EHD2: variants seen among roughly 807,000 people sequenced by gnomAD.
The protein encoded by EHD2 is EH domain containing 2.
EHD2 carries 27 observed loss-of-function variants against 41.0 expected under a neutral mutation model. The observed-to-expected ratio is 0.66, with a 90% CI of 0.49 to 0.91. The LOEUF is 0.91. Ranked by LOEUF, EHD2 falls within the 40% of genes least tolerant of loss-of-function variation. The probability of loss-of-function intolerance (pLI) is 0.00; values close to 1 mark genes in which losing one functional copy is unlikely to be tolerated. For synonymous variants in EHD2, 342 were observed against 341.0 expected (o/e 1.00, Z -0.03); for missense variants, 673 against 773.9 (o/e 0.87, Z 1.55).
chr19:47,716,513 C>G (rs1038889412), intron 1 of EHD2, 45 bp from the exon 2 acceptor site: 38 of 1,368,566 alleles, frequency 2.8e-5, no homozygotes, highest in Non-Finnish European at 3.6e-5. Context: ...CTTTCTTCCT[C>G]CTTGGCTGGG....
At chr19:47,717,551 G>A (rs1306705179) in intron 2 of EHD2, among the ~76,000 whole-genome samples, 4 of 152,144 alleles carry the variant, frequency 2.6e-5, no homozygotes, top group Admixed American at 2.6e-4. Context: ...CCAGCTGGGT[G>A]GCCTCAGGCA....
intron 2 of EHD2, among the ~76,000 whole-genome samples, chr19:47,717,736 G>C (rs12972681): frequency 6.6e-6 from 1 of 150,822 alleles, no homozygotes; most frequent in Non-Finnish European, 1.5e-5. Flanking sequence ...GTGAAACCCC[G>C]TCTCTACCAA....
intron 4 of EHD2, chr19:47,732,904 AG>A (rs1180185335): frequency 6.6e-6 from 1 of 151,966 alleles, no homozygotes; most frequent in African/African-American, 2.4e-5. Context: ...ACCAACATGG[AG>A]AAATCCCATC....
intron 3 of EHD2, among the ~76,000 whole-genome samples, chr19:47,723,685 T>G (rs35480434): frequency 0.018 from 2,648 of 150,542 alleles, 114 homozygotes; most frequent in African/African-American, 0.062. Flanking sequence ...CTCAACCATT[T>G]TTTTTTTTAA....
intron 5 of EHD2, among the ~76,000 whole-genome samples, chr19:47,740,534 T>G (rs1025716205): frequency 6.6e-6 from 1 of 151,212 alleles, no homozygotes; most frequent in Non-Finnish European, 1.5e-5. Context: ...AATCATGAGG[T>G]CAGGAGTTCG....
rs1472854779 is a variant in EHD2, at chr19:47,728,082, C to T, written c.915+1858C>T. On this transcript the variant is annotated intron_variant, in intron 4 of 5. Coordinates refer to ENST00000263277, the MANE Select transcript of EHD2 (RefSeq NM_014601.4). ...CTGCACTCCAGCCTAGGCGACAGAA[C>T]GAGACTCTGTCTCAAAATAAAAAAA... Among the ~76,000 whole-genome samples the T allele has an allele frequency of 7.7e-5, 10 of 129,814 alleles. No homozygotes were observed. In the East Asian group the frequency reaches 2.0e-3, roughly 26 times the overall value. The allele number at this position is 129,814 out of a possible 152,430, so 85.2% of individuals were successfully genotyped here. A position where few individuals can be genotyped will look rare whatever the true frequency, so the allele number is the denominator to read the frequency against.
intron 4 of EHD2, among the ~76,000 whole-genome samples, chr19:47,734,316 C>T (rs1966899812): frequency 6.6e-6 from 1 of 151,730 alleles, no homozygotes; most frequent in African/African-American, 2.4e-5. Flanking sequence ...GCCTGGGGGA[C>T]AGAGCCAGAC....
Position 47,725,996 on chromosome 19 carries a change from G to T in EHD2, c.687G>T (p.Leu229=), listed in dbSNP as rs747150177. 6 of 1,610,408 alleles carry T rather than the reference G, an allele frequency of 3.7e-6. No individual in the cohort carries two copies. Among genetic ancestry groups the T allele is most frequent in the Non-Finnish European group, 5.1e-6 (6 of 1,177,618 alleles). Residue 229 remains leucine, a synonymous_variant, in exon 4 of 6, where the codon CTG becomes CTT. Coordinates refer to ENST00000263277, the MANE Select transcript of EHD2 (RefSeq NM_014601.4). ...CCGACATGGTGGAGACGCAGCAGCTGATGCGCGTCTACGGCGCGCTCATGT... is the reference window on the plus strand; with the variant it reads ...CCGACATGGTGGAGACGCAGCAGCTTATGCGCGTCTACGGCGCGCTCATGT... ...NKADMVETQQ[L]MRVYGALMWA...
chr19:47,716,149 G>T (rs545667036), intron 1 of EHD2, among the ~76,000 whole-genome samples: 9 of 140,802 alleles, frequency 6.4e-5, no homozygotes, highest in African/African-American at 2.4e-4. Context: ...ATAGCTCACT[G>T]CAGCCTGCAG....
At chr19:47,735,835 G>A (rs1182728254) in intron 4 of EHD2, among the ~76,000 whole-genome samples, 4 of 150,616 alleles carry the variant, frequency 2.7e-5, no homozygotes, top group Admixed American at 6.7e-5. Flanking sequence ...GAACCCAGGA[G>A]TTGGAGGTTG....
Position 47,725,799 on chromosome 19 carries a change from A to G in EHD2, c.503-13A>G. The stretch of plus-strand genomic sequence containing the variant: ...CTGCCCCTTGCGCCCCTGTCTCTCC[A>G]CTCCCACTCCAGGCTACGACTTCCC... On this transcript the variant is annotated splice_polypyrimidine_tract_variant and intron_variant, in intron 3 of 5. Coordinates refer to ENST00000263277, the MANE Select transcript of EHD2 (RefSeq NM_014601.4). The G allele has an allele frequency of 6.4e-7, 1 of 1,565,022 alleles. No homozygotes were observed. The highest frequency in any genetic ancestry group is 8.7e-7 in the Non-Finnish European group (1 of 1,149,952).
intron 3 of EHD2, among the ~76,000 whole-genome samples, chr19:47,725,486 C>T (rs976681873): frequency 4.6e-5 from 7 of 151,810 alleles, no homozygotes; most frequent in African/African-American, 1.5e-4. Flanking sequence ...GGAGGATCAC[C>T]TGAGCTCCGG....
chr19:47,728,523 GTTTCTCTTTCTCTCTTTC>G (rs1193001195), intron 4 of EHD2, among the ~76,000 whole-genome samples: 3 of 146,074 alleles, frequency 2.1e-5, no homozygotes, highest in African/African-American at 7.6e-5. Flanking sequence ...CTCTTTCTCT[GTTTCTCTTTCTCTCTTTC>G]TTTCTCTTTC....
intron 3 of EHD2, among the ~76,000 whole-genome samples, chr19:47,720,624 CTA>C (rs143648882): frequency 0.011 from 1,720 of 152,098 alleles, 35 homozygotes; most frequent in African/African-American, 0.039. Context: ...GTCTATGTGT[CTA>C]TGTGGATTTA....
At position 47,740,960 on chromosome 19, in the gene EHD2, C is replaced by T. The variant is rs975000304; in HGVS notation, c.1160C>T (p.Thr387Met). The stretch of plus-strand genomic sequence containing the variant: ...CTAGAGGCACTGGACGAGATGCTGA[C>T]GCACGACATCGCCAAGCTCATGCCC... The part of the protein sequence containing the change: ...KLLEALDEML[T>M]HDIAKLMPLL... Residue 387 changes from threonine (T) to methionine (M), a missense_variant, in exon 6 of 6, where the codon ACG (threonine) becomes ATG (methionine). By Grantham distance (81) the Thr-to-Met change is moderately conservative (BLOSUM62 -1). Coordinates refer to ENST00000263277, the MANE Select transcript of EHD2 (RefSeq NM_014601.4). 10 of 1,612,488 alleles carry T rather than the reference C, an allele frequency of 6.2e-6. No individual in the cohort carries two copies. Among genetic ancestry groups the T allele is most frequent in the Admixed American group, 3.3e-5 (2 of 59,904 alleles).
chr19:47,737,244 AAAAAGAAAAG>A (rs1966934411), intron 5 of EHD2, among the ~76,000 whole-genome samples: 1 of 151,772 alleles, frequency 6.6e-6, no homozygotes, highest in Non-Finnish European at 1.5e-5. Context: ...AAAAAAAAAA[AAAAAGAAAAG>A]GAAGTTGGGA....
intron 4 of EHD2, 117 bp downstream of exon 4, chr19:47,726,341 T>C: frequency 2.4e-6 from 3 of 1,250,184 alleles, no homozygotes; most frequent in Non-Finnish European, 3.2e-6. Flanking sequence ...CTCTTGAAGT[T>C]GGGTCATTCT....
In EHD2 at chr19:47,741,653, C is replaced by T. The variant is rs1171257927; in HGVS notation, c.*221C>T. 11 of 624,374 alleles carry T rather than the reference C, an allele frequency of 1.8e-5. No homozygotes were observed. Among genetic ancestry groups the T allele is most frequent in the Admixed American group, 8.5e-5 (3 of 35,446 alleles). 38.7% of individuals were successfully genotyped at this position (624,374 alleles called of 1,614,324 possible). The stretch of plus-strand genomic sequence containing the variant: ...TCCGCCCTTCACACCTCCAGCCTCA[C>T]GTTCACTTAGGCACATCACACACAC... On this transcript the variant is annotated 3_prime_UTR_variant, in exon 6 of 6. Transcript: ENST00000263277. The surrounding 1 kb of genome is among the most constrained non-coding windows in gnomAD (Gnocchi z 4.5).
At chr19:47,731,314 A>ATATACATATATATATATAT (rs1160770476) in intron 4 of EHD2, 1 of 113,994 alleles carries the variant, frequency 8.8e-6, no homozygotes, top group Non-Finnish European at 1.9e-5. Context: ...ATATATATAT[A>ATATACATATATATATATAT]ATTTTTTTTT....
Sources: allele counts gnomAD v4.1 joint callset (sites outside exome capture counted in the v4.1 genomes callset), GRCh38; gene constraint gnomAD v4.1.1; non-coding constraint Gnocchi (gnomAD v3.1); transcripts MANE v1.5; gene names NCBI Gene and HGNC (gene_info 2026-07-23, HGNC 2026-07-21).